Variants in ADGRB2 observed in about 807,000 individuals in gnomAD.
ADGRB2 encodes brain-specific angiogenesis inhibitor 2.
Under a neutral mutation model 178.7 loss-of-function variants are expected in ADGRB2, and 47 were observed. The ratio of observed to expected loss-of-function variants is 0.26; its 90% CI spans 0.21 to 0.34. The LOEUF (loss-of-function observed/expected upper bound fraction) is 0.34. Among genes scored for constraint, ADGRB2 ranks in the 10% least tolerant of loss-of-function variants. The pLI, the probability that ADGRB2 is intolerant of heterozygous loss-of-function variation, is 1.00. For synonymous variants in ADGRB2, 870 were observed against 912.4 expected (o/e 0.95, Z 0.84); for missense variants, 1,584 against 2,180.8 (o/e 0.73, Z 5.45).
At position 31,731,400 on chromosome 1, in the gene ADGRB2, G is replaced by A. The variant is rs746257250; in HGVS notation, c.3780C>T (p.Asn1260=). The A allele has an allele frequency of 6.2e-7, 1 of 1,604,830 alleles. No individual in the cohort carries two copies. Among genetic ancestry groups the A allele is most frequent in the Non-Finnish European group, 8.5e-7 (1 of 1,175,484 alleles). Residue 1260 remains asparagine, a synonymous_variant, in exon 29 of 33, where the codon AAC becomes AAT. Transcript: ENST00000373658. ...ACQTVLFKEV[N]TCNPSTITGT... is the part of the protein sequence containing the mutation. ...CCGTGATGGTGGACGGGTTGCAAGT[G>A]TTGACCTCCTTGAACAGCACTGGGG...
rs1646898019 is a variant in ADGRB2 at position 31,757,497 on chromosome 1, A to G, written c.-176T>C. The G allele has an allele frequency of 2.0e-6, 1 of 488,244 alleles. No individual in the cohort carries two copies. Among genetic ancestry groups the G allele is most frequent in the Admixed American group, 3.3e-5 (1 of 29,980 alleles). 30.2% of individuals were successfully genotyped at this position (488,244 alleles called of 1,614,324 possible). A position where few individuals can be genotyped will look rare whatever the true frequency, so the allele number is the denominator to read the frequency against. On this transcript the variant is annotated 5_prime_UTR_variant, in exon 2 of 33. Transcript: ENST00000373658. ...TGTCAGTGTGGACGTCACATGTATC[A>G]CTGCTGTGGATTTCCTGGTTGGAAT...
chr1:31,746,528 C>A (rs574030643), intron 4 of ADGRB2, among the ~76,000 whole-genome samples: 1 of 152,280 alleles, frequency 6.6e-6, no homozygotes, highest in East Asian at 1.9e-4. Context: ...ACCATGACAG[C>A]TTCAGGGGCT....
At chr1:31,729,014 G>A (rs1304853546) in intron 29 of ADGRB2, among the ~76,000 whole-genome samples, 1 of 151,978 alleles carries the variant, frequency 6.6e-6, no homozygotes, top group South Asian at 2.1e-4. Flanking sequence ...CCTTCCACTT[G>A]TCCTGCAAAC....
At chr1:31,739,229 G>A (rs1387708600) in intron 15 of ADGRB2, 79 bp downstream of exon 15, 82 of 1,365,430 alleles carry the variant, frequency 6.0e-5, no homozygotes, top group Non-Finnish European at 7.9e-5. Context: ...TCTGCAGCCA[G>A]CACTGGCTCA....
chr1:31,735,721 C>A lies in ADGRB2; in HGVS notation c.3268-56G>T. 1 of 1,572,456 alleles carries A rather than the reference C, an allele frequency of 6.4e-7. No individual in the cohort carries two copies. The highest frequency in any genetic ancestry group is 8.7e-7 in the Non-Finnish European group (1 of 1,153,606). ...ACAGGATCACCAGGTGCCCTCCTGG[C>A]AGGGAAATCCCCATGTGGGAGCTGG... is the stretch of plus-strand genomic sequence containing the variant. On this transcript the variant is annotated intron_variant, in intron 23 of 32. Transcript: ENST00000373658. This position sits in a 1 kb window ranked among gnomAD's most constrained non-coding sequence, Gnocchi z 6.0.
intron 18 of ADGRB2, 84 bp from the exon 19 acceptor site, chr1:31,737,839 T>C (rs1278968056): frequency 8.0e-7 from 1 of 1,255,216 alleles, no homozygotes; most frequent in African/African-American, 1.5e-5. Context: ...TACCATAGAC[T>C]GGCATACCCA....
At chr1:31,738,532 G>A in intron 17 of ADGRB2, 55 bp downstream of exon 17, 1 of 1,569,624 alleles carries the variant, frequency 6.4e-7, no homozygotes, top group South Asian at 1.2e-5. Context: ...ACCCCTTTCT[G>A]GCAAAGGGCC....
rs771593110 is a variant in ADGRB2, at chr1:31,756,039, C to T, written c.798G>A (p.Ser266=). The change falls in exon 4 of 33, where the codon TCG becomes TCA. Residue 266 remains serine, a synonymous_variant. Transcript: ENST00000373658. This position sits in a 1 kb window ranked among gnomAD's most constrained non-coding sequence, Gnocchi z 8.5. The stretch of plus-strand genomic sequence containing the variant: ...TTGTGAACAGATCATTGCTGCTCCC[C>T]GAGTGCAAATCGGCCTCAGCAGGTG... ...PAPPAEADLH[S]GSSNDLFTTE... 93 of 1,613,860 alleles carry T rather than the reference C, an allele frequency of 5.8e-5. No homozygotes were observed. The highest frequency in any genetic ancestry group is 2.5e-4 in the East Asian group (11 of 44,872).
chr1:31,746,922 C>T (rs1220986383), intron 4 of ADGRB2, among the ~76,000 whole-genome samples: 1 of 152,228 alleles, frequency 6.6e-6, no homozygotes, highest in East Asian at 1.9e-4. Context: ...CTGTTTCCCT[C>T]CTCCGTCAGT....
Position 31,735,478 on chromosome 1 carries a change from GC to G in ADGRB2, c.3353+101del, listed in dbSNP as rs1402027940. The G allele has an allele frequency of 2.8e-6, 4 of 1,438,742 alleles. No individual in the cohort carries two copies. In the East Asian group the frequency reaches 9.8e-5, roughly 35 times the overall value. 89.1% of individuals were successfully genotyped at this position (1,438,742 alleles called of 1,614,324 possible). On this transcript the variant is annotated intron_variant, in intron 24 of 32. Transcript: ENST00000373658. The surrounding 1 kb of genome is among the most constrained non-coding windows in gnomAD (Gnocchi z 6.0). ...AACCTTGATGCACCAAGGTTGGGGA[GC>G]CCCGGTCGCATCATCGAGCCCTGAG...
intron 7 of ADGRB2, 52 bp downstream of exon 7, chr1:31,742,785 AC>A (rs1308934762): frequency 1.5e-6 from 2 of 1,361,472 alleles, no homozygotes; most frequent in East Asian, 6.1e-5. Context: ...AGGTCTCCCG[AC>A]CCCCCACCGG....
chr1:31,752,870 T>A (rs1172082902), intron 4 of ADGRB2, among the ~76,000 whole-genome samples: 1 of 152,122 alleles, frequency 6.6e-6, no homozygotes, highest in South Asian at 2.1e-4. Context: ...GAGCCCACTC[T>A]TGCCTCCCAG....
At position 31,740,240 on chromosome 1, in the gene ADGRB2, C is replaced by T; in HGVS notation, c.1990-62G>A. 2 of 1,610,600 alleles carry T rather than the reference C, an allele frequency of 1.2e-6. No individual in the cohort carries two copies. Among genetic ancestry groups the T allele is most frequent in the Non-Finnish European group, 1.7e-6 (2 of 1,177,994 alleles). On this transcript the variant is annotated intron_variant, in intron 12 of 32. Coordinates refer to ENST00000373658, the MANE Select transcript of ADGRB2 (RefSeq NM_001364857.2). This position sits in a 1 kb window ranked among gnomAD's most constrained non-coding sequence, Gnocchi z 5.9. ...CCCAGGGAACAGGGGGCTTCCCCCACTATAGCCACACTTGCCGCCTCTACA... is the reference window on the plus strand; with the variant it reads ...CCCAGGGAACAGGGGGCTTCCCCCATTATAGCCACACTTGCCGCCTCTACA...
chr1:31,750,880 C>A (rs937820578), intron 4 of ADGRB2, among the ~76,000 whole-genome samples: 6 of 149,214 alleles, frequency 4.0e-5, no homozygotes, highest in African/African-American at 1.5e-4. Flanking sequence ...TGCCAGACCG[C>A]CCCCCCCAAT....
intron 26 of ADGRB2, 54 bp from the exon 27 acceptor site, chr1:31,732,666 C>T: frequency 1.9e-6 from 3 of 1,580,678 alleles, no homozygotes; most frequent in Non-Finnish European, 8.6e-7. Context: ...CCCCCGACCA[C>T]AGATGGCTGT....
intron 4 of ADGRB2, among the ~76,000 whole-genome samples, chr1:31,752,157 CAG>C (rs1249086390): frequency 6.6e-6 from 1 of 152,162 alleles, no homozygotes; most frequent in East Asian, 1.9e-4. Context: ...GGTGGGCAGA[CAG>C]TGTGCCTAGC....
Position 31,763,664 on chromosome 1 carries a change from T to G in ADGRB2, c.-191+220A>C, listed in dbSNP as rs545401222. 6.0e-5 allele frequency among the ~76,000 whole-genome samples: 9 copies of G among 148,876 alleles called. 1 individual carries two copies. In the South Asian group the frequency reaches 1.9e-3, roughly 32 times the overall value. Reference sequence around the variant, plus strand: ...GCTGGGGGAGGGGGGGGGCCGAGATTAGAGATTCACCAGCGATTAAGGGGG... The same window carrying G: ...GCTGGGGGAGGGGGGGGGCCGAGATGAGAGATTCACCAGCGATTAAGGGGG... On this transcript the variant is annotated intron_variant, in intron 1 of 32. Transcript: ENST00000373658.
At chr1:31,743,214 AT>A (rs1464186587) in intron 6 of ADGRB2, among the ~76,000 whole-genome samples, 1 of 152,058 alleles carries the variant, frequency 6.6e-6, no homozygotes, top group Non-Finnish European at 1.5e-5. Flanking sequence ...TCCGGTCCTA[AT>A]TCACATAGGA....
chr1:31,736,936 C>T (rs745472763), intron 20 of ADGRB2, among the ~76,000 whole-genome samples: 50 of 152,178 alleles, frequency 3.3e-4, no homozygotes, highest in Non-Finnish European at 4.9e-4. Flanking sequence ...TCCAGGGAGG[C>T]GGGTGGGCAG....
Sources: gnomAD v4.1 joint callset for allele counts (sites outside exome capture counted in the v4.1 genomes callset) on GRCh38, gnomAD v4.1.1 for gene constraint, Gnocchi (gnomAD v3.1) non-coding constraint, MANE v1.5 for transcripts, NCBI Gene and HGNC (gene_info 2026-07-23, HGNC 2026-07-21) for gene names.